Variants in STEAP2 observed in about 807,000 individuals in gnomAD.
STEAP2 encodes metalloreductase STEAP2.
STEAP2 carries 30 observed loss-of-function variants against 46.4 expected under a neutral mutation model. The ratio of observed to expected loss-of-function variants is 0.65; its 90% CI spans 0.48 to 0.88. The LOEUF is 0.88. Ranked by LOEUF, STEAP2 falls within the 40% of genes least tolerant of loss-of-function variation. The pLI, the probability that STEAP2 is intolerant of heterozygous loss-of-function variation, is 0.00. For synonymous variants in STEAP2, 180 were observed against 200.5 expected (o/e 0.90, Z 0.86); for missense variants, 513 against 579.3 (o/e 0.89, Z 1.18).
At chr7:90,217,087 A>G (rs1003355205) in intron 2 of STEAP2, among the ~76,000 whole-genome samples, 19 of 152,242 alleles carry the variant, frequency 1.2e-4, no homozygotes, top group Admixed American at 1.2e-3. Flanking sequence ...TGAGGGAAGT[A>G]GGATTTATTT....
chr7:90,234,278 C>T lies in STEAP2; in HGVS notation c.*1654C>T, dbSNP rs1473746901. On this transcript the variant is annotated 3_prime_UTR_variant, in exon 6 of 6. Transcript: ENST00000394621. ...CTCAAACTGTAGAATGCCCTACATT[C>T]CCCCCACCCCAATTTGCTATTTCCT... is the stretch of plus-strand genomic sequence containing the variant. 1 of 985,238 alleles carries T rather than the reference C, an allele frequency of 1.0e-6. No individual in the cohort carries two copies. Among genetic ancestry groups the T allele is most frequent in the Non-Finnish European group, 1.2e-6 (1 of 829,868 alleles). 61.0% of individuals were successfully genotyped at this position (985,238 alleles called of 1,614,324 possible).
chr7:90,226,950 G>T, intron 3 of STEAP2, 21 bp from the exon 4 acceptor site: 1 of 1,544,752 alleles, frequency 6.5e-7, no homozygotes, highest in Non-Finnish European at 8.7e-7. Flanking sequence ...GTAATGCTGA[G>T]TCTTTTTGTT....
At position 90,236,024 on chromosome 7, in the gene STEAP2, A is replaced by T; in HGVS notation, c.*3400A>T. On this transcript the variant is annotated 3_prime_UTR_variant, in exon 6 of 6. Coordinates refer to ENST00000394621, the MANE Select transcript of STEAP2 (RefSeq NM_001244944.2). The stretch of plus-strand genomic sequence containing the variant: ...TAATCTGATAATAGTAACAAGGTAT[A>T]TTATACTTTCATTACAATCAAATTA... 1 of 881,436 alleles carries T rather than the reference A, an allele frequency of 1.1e-6. No homozygotes were observed. Among genetic ancestry groups the T allele is most frequent in the East Asian group, 1.2e-4 (1 of 8,308 alleles). The allele number at this position is 881,436 out of a possible 1,614,324, so 54.6% of individuals were successfully genotyped here. A position where few individuals can be genotyped will look rare whatever the true frequency, so the allele number is the denominator to read the frequency against.
intron 2 of STEAP2, among the ~76,000 whole-genome samples, chr7:90,217,722 A>T (rs939081201): frequency 2.3e-4 from 26 of 111,246 alleles, no homozygotes; most frequent in African/African-American, 8.6e-4. Flanking sequence ...AAAAAAAAAA[A>T]AAAACATGTG....
At chr7:90,218,923 G>GTTTATGTCATC (rs1267097578) in intron 2 of STEAP2, among the ~76,000 whole-genome samples, 6 of 151,944 alleles carry the variant, frequency 3.9e-5, no homozygotes, top group Admixed American at 3.9e-4. Flanking sequence ...TTTTCCATTC[G>GTTTATGTCATC]TTTATGTCAT....
At position 90,229,974 on chromosome 7, in the gene STEAP2, G is replaced by GGA; in HGVS notation, c.1123_1124insGA (p.Ala375GlyfsTer9). ...GAGCCTTGGCTTACTTTCCCTCCTG[G>GGA]CAGTCACTTCTATCCCTTCAGTGAG... On this transcript the variant is annotated frameshift_variant, in exon 5 of 6. Coordinates refer to ENST00000394621, the MANE Select transcript of STEAP2 (RefSeq NM_001244944.2). The GGA allele has an allele frequency of 6.2e-7, 1 of 1,613,542 alleles. No homozygotes were observed. Among genetic ancestry groups the GGA allele is most frequent in the South Asian group, 1.1e-5 (1 of 91,032 alleles).
chr7:90,236,638 T>G lies in STEAP2; in HGVS notation c.*4014T>G, dbSNP rs1216698076. The G allele has an allele frequency of 8.3e-7, 1 of 1,200,286 alleles. No individual in the cohort carries two copies. Among genetic ancestry groups the G allele is most frequent in the South Asian group, 2.7e-5 (1 of 37,260 alleles). The allele number at this position is 1,200,286 out of a possible 1,614,324, so 74.4% of individuals were successfully genotyped here. On this transcript the variant is annotated 3_prime_UTR_variant, in exon 6 of 6. Coordinates refer to ENST00000394621, the MANE Select transcript of STEAP2 (RefSeq NM_001244944.2). ...TCACTTTTTTTTTAGTATGAGAAAATTATACAGTGCTTAATTTTCAGAGAT... is the reference window on the plus strand; with the variant it reads ...TCACTTTTTTTTTAGTATGAGAAAAGTATACAGTGCTTAATTTTCAGAGAT...
rs1204918756 is a variant in STEAP2, at chr7:90,235,951, T to C, written c.*3327T>C. 1.0e-6 allele frequency: 1 copy of C among 984,192 alleles called. No individual in the cohort carries two copies. Among genetic ancestry groups the C allele is most frequent in the East Asian group, 1.1e-4 (1 of 8,832 alleles). The allele number at this position is 984,192 out of a possible 1,614,324, so 61.0% of individuals were successfully genotyped here. A position where few individuals can be genotyped will look rare whatever the true frequency, so the allele number is the denominator to read the frequency against. ...GTTAAACTACCTGATTAATTTCTTATAAAGCAGCATAACCTTGGCTTGATT... is the reference window on the plus strand; with the variant it reads ...GTTAAACTACCTGATTAATTTCTTACAAAGCAGCATAACCTTGGCTTGATT... On this transcript the variant is annotated 3_prime_UTR_variant, in exon 6 of 6. Coordinates refer to ENST00000394621, the MANE Select transcript of STEAP2 (RefSeq NM_001244944.2).
chr7:90,228,668 T>C (rs530027277), intron 4 of STEAP2, among the ~76,000 whole-genome samples: 21 of 152,240 alleles, frequency 1.4e-4, no homozygotes, highest in African/African-American at 5.1e-4. Flanking sequence ...GTGTCTGCCT[T>C]CCCCCAACAG....
chr7:90,220,627 G>A (rs553319510), intron 2 of STEAP2, among the ~76,000 whole-genome samples: 1 of 151,944 alleles, frequency 6.6e-6, no homozygotes, highest in Non-Finnish European at 1.5e-5. Flanking sequence ...AATTTGTCTA[G>A]TTCTGCTCTG....
chr7:90,241,357 C>G (rs1338346200), downstream of STEAP2, among the ~76,000 whole-genome samples: 2 of 152,028 alleles, frequency 1.3e-5, no homozygotes, highest in Non-Finnish European at 2.9e-5. Context: ...CCCAAGGACC[C>G]CATTTTGAGT....
intron 5 of STEAP2, 120 bp downstream of exon 5, chr7:90,230,156 A>G: frequency 6.6e-7 from 1 of 1,508,850 alleles, no homozygotes; most frequent in South Asian, 1.4e-5. Context: ...TTATGCATCT[A>G]GATACATTAT....
intron 1 of STEAP2, chr7:90,215,980 G>A (rs1396365251): frequency 6.6e-6 from 1 of 152,044 alleles, no homozygotes; most frequent in Non-Finnish European, 1.5e-5. Context: ...TAATCATGTT[G>A]GCCAGTCTGA....
intron 2 of STEAP2, among the ~76,000 whole-genome samples, chr7:90,218,425 C>T (rs1436861236): frequency 6.6e-6 from 1 of 151,950 alleles, no homozygotes; most frequent in Admixed American, 6.6e-5. Context: ...CTTTAGTTGA[C>T]CTTGCGTTGA....
Position 90,229,777 on chromosome 7 carries a change from T to C in STEAP2, c.1021-95T>C. ...TTAGTACAACTTAAATACGTCCATATATGACCAGGTTCTTCTTATGCCAAG... is the reference window on the plus strand; with the variant it reads ...TTAGTACAACTTAAATACGTCCATACATGACCAGGTTCTTCTTATGCCAAG... On this transcript the variant is annotated intron_variant, in intron 4 of 5. Transcript: ENST00000394621. 3.9e-6 allele frequency: 6 copies of C among 1,519,488 alleles called. No homozygotes were observed. The South Asian group carries it at 8.2e-5, about 21-fold the overall frequency. The allele number at this position is 1,519,488 out of a possible 1,614,324, so 94.1% of individuals were successfully genotyped here.
chr7:90,242,410 T>C (rs530851160), downstream of STEAP2, among the ~76,000 whole-genome samples: 7 of 152,336 alleles, frequency 4.6e-5, no homozygotes, highest in Non-Finnish European at 8.8e-5. Flanking sequence ...CCTGTGCTGT[T>C]AAAATACAAG....
chr7:90,223,373 G>C (rs1291765230), intron 2 of STEAP2, among the ~76,000 whole-genome samples: 1 of 152,150 alleles, frequency 6.6e-6, no homozygotes, highest in Non-Finnish European at 1.5e-5. Flanking sequence ...GCTGGGTCCT[G>C]ACTCCCCCAT....
At chr7:90,220,395 T>C (rs987610255) in intron 2 of STEAP2, among the ~76,000 whole-genome samples, 3 of 152,216 alleles carry the variant, frequency 2.0e-5, no homozygotes, top group African/African-American at 7.2e-5. Context: ...CCATTTCCTC[T>C]AGGTTTTCCA....
At chr7:90,229,712 A>G (rs1795655715) in intron 4 of STEAP2, among the ~76,000 whole-genome samples, 160 bp from the exon 5 acceptor site, 1 of 152,182 alleles carries the variant, frequency 6.6e-6, no homozygotes. Flanking sequence ...GAGCAGTATC[A>G]TCCAGTAACA....
Sources: allele counts gnomAD v4.1 joint callset (sites outside exome capture counted in the v4.1 genomes callset), GRCh38; gene constraint gnomAD v4.1.1; transcripts MANE v1.5; gene names NCBI Gene and HGNC (gene_info 2026-07-23, HGNC 2026-07-21).